Variants in MIER1 observed in about 807,000 individuals in gnomAD.
The protein encoded by MIER1 is MIER1 transcriptional regulator.
MIER1 carries 40 observed loss-of-function variants against 75.7 expected under a neutral mutation model. That is an observed-to-expected ratio of 0.53 (90% CI 0.41 to 0.69). The LOEUF is 0.69. Among genes scored for constraint, MIER1 ranks in the 30% least tolerant of loss-of-function variants. The pLI, the probability that MIER1 is intolerant of heterozygous loss-of-function variation, is 0.00. For synonymous variants in MIER1, 213 were observed against 223.4 expected, an observed-to-expected ratio of 0.95 and a Z score of 0.42; for missense variants, 574 against 680.2, an observed-to-expected ratio of 0.84 and a Z score of 1.74.
chr1:66,944,324 A>G (rs935339273), intron 3 of MIER1, among the ~76,000 whole-genome samples: 9 of 151,806 alleles, frequency 5.9e-5, no homozygotes, highest in Non-Finnish European at 8.8e-5. Context: ...AATTTTTTCA[A>G]TGTTCAGTAA....
rs1022532296 is a variant in MIER1, at chr1:66,986,092, C to T, written c.*1192C>T. On this transcript the variant is annotated 3_prime_UTR_variant, in exon 14 of 14. Coordinates refer to ENST00000401041, the MANE Select transcript of MIER1 (RefSeq NM_001077700.3). ...AGTGATACTTAGATATTGGCACACACAAGGAACAACTGTTGGCAGGCAGTA... is the reference window on the plus strand; with the variant it reads ...AGTGATACTTAGATATTGGCACACATAAGGAACAACTGTTGGCAGGCAGTA... 4.7e-6 allele frequency: 5 copies of T among 1,065,694 alleles called. No homozygotes were observed. Among genetic ancestry groups the T allele is most frequent in the African/African-American group, 3.4e-5 (2 of 59,184 alleles). The allele number at this position is 1,065,694 out of a possible 1,614,324, so 66.0% of individuals were successfully genotyped here.
chr1:66,940,323 T>G (rs1175988188), intron 3 of MIER1: 2 of 308,276 alleles, frequency 6.5e-6, no homozygotes, highest in East Asian at 1.1e-4. Flanking sequence ...CTCACAGTTT[T>G]GTATTATTGT....
At position 66,981,817 on chromosome 1, in the gene MIER1, C is replaced by T. The variant is rs778624029; in HGVS notation, c.1268C>T (p.Ala423Val). ...CGTCTTCTAGACGAAAGTGAAAGTG[C>T]TGCATCTAGTCGAGCACCATCCCCT... ...MDRLLDESES[A>V]ASSRAPSPPP... The change falls in exon 13 of 14, where the codon GCT becomes GTT. Residue 423 changes from alanine (A) to valine (V), a missense_variant. By Grantham distance (64) the Ala-to-Val change is moderately conservative. This residue lies in a region of MIER1 where 101 missense variants were observed against 173.1 expected (regional missense o/e 0.58). Transcript: ENST00000401041. The T allele has an allele frequency of 6.2e-7, 1 of 1,613,860 alleles. No homozygotes were observed.
At chr1:66,955,916 A>G (rs1570329857) in intron 4 of MIER1, among the ~76,000 whole-genome samples, 1 of 152,316 alleles carries the variant, frequency 6.6e-6, no homozygotes, top group South Asian at 2.1e-4. Flanking sequence ...ATAATAAAGT[A>G]TCAGTGCCTG....
chr1:66,954,850 G>A (rs998993000), intron 4 of MIER1, among the ~76,000 whole-genome samples: 2 of 152,078 alleles, frequency 1.3e-5, no homozygotes, highest in African/African-American at 4.8e-5. Flanking sequence ...GGGACTACAG[G>A]TGTGCACCAC....
chr1:66,946,678 T>TCACTACATAAAGTGCTCTAGATTATCTC (rs1198800790), intron 4 of MIER1: 1 of 991,014 alleles, frequency 1.0e-6, no homozygotes, highest in African/African-American at 1.7e-5. Flanking sequence ...CATTTTCCAT[T>TCACTACATAAAGTGCTCTAGATTATCTC]CACTACATAA....
In MIER1 at chr1:66,986,632, A is replaced by C; in HGVS notation, c.*1732A>C. On this transcript the variant is annotated 3_prime_UTR_variant, in exon 14 of 14. Coordinates refer to ENST00000401041, the MANE Select transcript of MIER1 (RefSeq NM_001077700.3). ...ACCAATGTGAACAACTTTTTTTCCC[A>C]AACAGTGTTAAAAGCCACTTTGCAA... 1 of 599,082 alleles carries C rather than the reference A, an allele frequency of 1.7e-6. No individual in the cohort carries two copies. 37.1% of individuals were successfully genotyped at this position (599,082 alleles called of 1,614,324 possible).
At chr1:66,962,941 C>A (rs985080669) in intron 7 of MIER1, 147 bp from the exon 8 acceptor site, 32 of 521,734 alleles carry the variant, frequency 6.1e-5, no homozygotes, top group African/African-American at 6.0e-4. Context: ...TTCATCTTCA[C>A]AAAGGTACCT....
chr1:66,930,613 A>C (rs1212494160), intron 2 of MIER1, among the ~76,000 whole-genome samples: 1 of 150,606 alleles, frequency 6.6e-6, no homozygotes, highest in Non-Finnish European at 1.5e-5. Flanking sequence ...GCGTACTTGG[A>C]CTTCGGGGGC....
At chr1:66,930,568 A>G (rs1025625865) in intron 2 of MIER1, among the ~76,000 whole-genome samples, 2 of 151,358 alleles carry the variant, frequency 1.3e-5, no homozygotes, top group Non-Finnish European at 2.9e-5. Context: ...CCTGGAACTT[A>G]GTTGGGATGG....
chr1:66,955,610 C>G (rs1322735774), intron 4 of MIER1, among the ~76,000 whole-genome samples: 1 of 151,904 alleles, frequency 6.6e-6, no homozygotes, highest in Non-Finnish European at 1.5e-5. Flanking sequence ...TGTGTGGTTT[C>G]AAAGGATTAG....
At chr1:66,947,653 A>G (rs1657972091) in intron 4 of MIER1, 1 of 152,138 alleles carries the variant, frequency 6.6e-6, no homozygotes, top group African/African-American at 2.4e-5. Flanking sequence ...CTCCTGATAC[A>G]TTTCCACCCA....
intron 12 of MIER1, among the ~76,000 whole-genome samples, chr1:66,977,157 T>C (rs1664883592): frequency 6.6e-6 from 1 of 152,042 alleles, no homozygotes; most frequent in African/African-American, 2.4e-5. Context: ...TTGCCCAGGC[T>C]GGAATGCAGT....
intron 6 of MIER1, among the ~76,000 whole-genome samples, chr1:66,959,284 A>AT (rs965247123): frequency 1.3e-5 from 2 of 151,768 alleles, no homozygotes; most frequent in Non-Finnish European, 2.9e-5. Flanking sequence ...CTTAGTTTCC[A>AT]TTTTTTACTT....
chr1:66,956,917 C>CGA (rs1343058206), intron 4 of MIER1, among the ~76,000 whole-genome samples: 1 of 152,184 alleles, frequency 6.6e-6, no homozygotes, highest in Non-Finnish European at 1.5e-5. Context: ...CTAATCCAGT[C>CGA]TGATTTACCC....
At chr1:66,938,922 A>G (rs550154067) in intron 2 of MIER1, among the ~76,000 whole-genome samples, 51 of 152,330 alleles carry the variant, frequency 3.3e-4, no homozygotes, top group African/African-American at 1.1e-3. Context: ...CATAATATGT[A>G]CAGTTTTAAA....
At position 66,932,577 on chromosome 1, in the gene MIER1, C is replaced by T. The variant is rs568612231; in HGVS notation, c.168+6335C>T. ...AGACCAGTGGTTTTAAACAATTAGA[C>T]AAAGGAGAAATGCTTGGTTGGCTTT... On this transcript the variant is annotated intron_variant, in intron 2 of 13. Coordinates refer to ENST00000401041, the MANE Select transcript of MIER1 (RefSeq NM_001077700.3). 10 of 152,190 alleles carry T rather than the reference C, an allele frequency of 6.6e-5. No individual in the cohort carries two copies. The East Asian group carries it at 1.9e-3, about 29-fold the overall frequency. The allele number at this position is 152,190 out of a possible 1,614,324, so 9.4% of individuals were successfully genotyped here. A position where few individuals can be genotyped will look rare whatever the true frequency, so the allele number is the denominator to read the frequency against.
rs202108897 is a variant in MIER1 at position 66,926,305 on chromosome 1, G to T, written c.168+63G>T. On this transcript the variant is annotated intron_variant, in intron 2 of 13. Transcript: ENST00000401041. ...ATCCAAACTCCCTCAAGTAATATAA[G>T]ATTATATTACTCTTCTTATATGTTC... 4.9e-6 allele frequency: 6 copies of T among 1,227,262 alleles called. No individual in the cohort carries two copies. The African/African-American group carries it at 6.0e-5, about 12-fold the overall frequency. The allele number at this position is 1,227,262 out of a possible 1,614,324, so 76.0% of individuals were successfully genotyped here. A position where few individuals can be genotyped will look rare whatever the true frequency, so the allele number is the denominator to read the frequency against.
At chr1:66,969,255 A>AAATAAT (rs891984355) in intron 8 of MIER1, among the ~76,000 whole-genome samples, 2 of 152,040 alleles carry the variant, frequency 1.3e-5, no homozygotes, top group African/African-American at 4.8e-5. Context: ...ATTCATGTGA[A>AAATAAT]AATAATACGG....
Sources: gnomAD v4.1 joint callset for allele counts (sites outside exome capture counted in the v4.1 genomes callset) on GRCh38, gnomAD v4.1.1 for gene constraint, gnomAD v4.1.1 regional missense constraint, MANE v1.5 for transcripts, NCBI Gene and HGNC (gene_info 2026-07-23, HGNC 2026-07-21) for gene names.